Variants in PLCB1 observed in about 807,000 individuals in gnomAD.
PLCB1 encodes the protein 1-phosphatidylinositol 4,5-bisphosphate phosphodiesterase beta-1.
PLCB1 carries 46 observed loss-of-function variants against 161.8 expected under a neutral mutation model. The observed-to-expected ratio is 0.28, with a 90% CI of 0.22 to 0.36. PLCB1 has a LOEUF of 0.36. PLCB1 is among the 10% of genes least tolerant of loss of function. The probability of loss-of-function intolerance (pLI) is 1.00; values close to 1 mark genes in which losing one functional copy is unlikely to be tolerated. For synonymous variants in PLCB1, 517 were observed against 503.7 expected (o/e 1.03, Z -0.35); for missense variants, 1,016 against 1,472.5 (o/e 0.69, Z 5.07).
intron 3 of PLCB1, among the ~76,000 whole-genome samples, chr20:8,373,825 G>A (rs1404035007): frequency 6.6e-6 from 1 of 152,174 alleles, no homozygotes; most frequent in African/African-American, 2.4e-5. Flanking sequence ...CTCAAAGGGG[G>A]TTGTGGATTG....
At chr20:8,822,989 T>C (rs1460735746) in intron 31 of PLCB1, among the ~76,000 whole-genome samples, 1 of 152,236 alleles carries the variant, frequency 6.6e-6, no homozygotes, top group Non-Finnish European at 1.5e-5. Flanking sequence ...CTTGTCGTTA[T>C]TCCCTAAATC....
intron 3 of PLCB1, among the ~76,000 whole-genome samples, chr20:8,551,393 T>G (rs964620637): frequency 6.6e-6 from 1 of 152,242 alleles, no homozygotes; most frequent in Admixed American, 6.5e-5. Context: ...TTTTCTTTCT[T>G]GGCTTCAGCC....
chr20:8,484,256 C>G (rs1168297656), intron 3 of PLCB1, among the ~76,000 whole-genome samples: 1 of 152,092 alleles, frequency 6.6e-6, no homozygotes, highest in Non-Finnish European at 1.5e-5. Flanking sequence ...AACTCCCAAC[C>G]TCAAGTGATC....
chr20:8,298,919 G>A (rs1311740123), intron 2 of PLCB1, among the ~76,000 whole-genome samples: 2 of 152,008 alleles, frequency 1.3e-5, no homozygotes, highest in Admixed American at 6.6e-5. Context: ...CCATAAACAC[G>A]CTCCATTAAG....
chr20:8,229,816 A>G (rs1979907326), intron 2 of PLCB1, among the ~76,000 whole-genome samples: 1 of 151,366 alleles, frequency 6.6e-6, no homozygotes, highest in South Asian at 2.1e-4. Context: ...TGAGCCCAGG[A>G]GTTTGAGACC....
rs1010653506 is a variant in PLCB1, at chr20:8,371,186, GAGC to G, written c.178-193_178-191del. On this transcript the variant is annotated intron_variant, in intron 2 of 31. Coordinates refer to ENST00000338037, the MANE Select transcript of PLCB1 (RefSeq NM_015192.4). Reference sequence around the variant, plus strand: ...CTTTTTGCTTTCAAAATGTATAACTGAGCAGTTAGCAGTTAGCTGTCTTTTGTT... The same window carrying G: ...CTTTTTGCTTTCAAAATGTATAACTGAGTTAGCAGTTAGCTGTCTTTTGTT... 7.4e-6 allele frequency: 4 copies of G among 538,328 alleles called. No individual in the cohort carries two copies. The African/African-American group carries it at 7.6e-5, about 10-fold the overall frequency. 33.3% of individuals were successfully genotyped at this position (538,328 alleles called of 1,614,324 possible).
intron 3 of PLCB1, among the ~76,000 whole-genome samples, chr20:8,425,857 A>G (rs1979745381): frequency 6.6e-6 from 1 of 151,434 alleles, no homozygotes; most frequent in South Asian, 2.1e-4. Flanking sequence ...GATCTTCACT[A>G]CATCCAATTT....
At chr20:8,592,925 C>A (rs910444925) in intron 3 of PLCB1, among the ~76,000 whole-genome samples, 1 of 152,162 alleles carries the variant, frequency 6.6e-6, no homozygotes, top group African/African-American at 2.4e-5. Context: ...GCCCCCTGAG[C>A]AGCTCATGAG....
At chr20:8,510,404 A>G (rs1173196778) in intron 3 of PLCB1, among the ~76,000 whole-genome samples, 1 of 118,974 alleles carries the variant, frequency 8.4e-6, no homozygotes, top group South Asian at 2.5e-4. Context: ...TTTTTTTTTA[A>G]GATGGAGTTT....
chr20:8,369,608 C>T (rs1159061730), intron 2 of PLCB1, among the ~76,000 whole-genome samples: 5 of 152,156 alleles, frequency 3.3e-5, no homozygotes, highest in Admixed American at 6.5e-5. Flanking sequence ...GTGTGGCCTT[C>T]GGGGAACTGT....
intron 3 of PLCB1, among the ~76,000 whole-genome samples, chr20:8,495,731 A>AGCTT (rs991796775): frequency 6.6e-6 from 1 of 152,008 alleles, no homozygotes; most frequent in African/African-American, 2.4e-5. Context: ...TCATGCCACT[A>AGCTT]GCTTGCACTG....
chr20:8,538,815 A>T (rs868617426), intron 3 of PLCB1, among the ~76,000 whole-genome samples: 1 of 143,834 alleles, frequency 7.0e-6, no homozygotes, highest in Non-Finnish European at 1.5e-5. Context: ...TTTTTTTGAG[A>T]TGGAGTCCCA....
chr20:8,462,649 A>G (rs1410383696), intron 3 of PLCB1, among the ~76,000 whole-genome samples: 2 of 152,130 alleles, frequency 1.3e-5, no homozygotes, highest in Non-Finnish European at 2.9e-5. Flanking sequence ...AAACCAACCA[A>G]TTTGGATAAA....
intron 23 of PLCB1, among the ~76,000 whole-genome samples, chr20:8,750,612 GT>G (rs1331292812): frequency 2.6e-5 from 4 of 152,160 alleles, no homozygotes; most frequent in Non-Finnish European, 5.9e-5. Context: ...ACGTTTGGGA[GT>G]GCATACAGCA....
chr20:8,810,549 G>C (rs538950915), intron 31 of PLCB1, among the ~76,000 whole-genome samples: 1 of 152,150 alleles, frequency 6.6e-6, no homozygotes, highest in Admixed American at 6.6e-5. Context: ...GATTGAATGA[G>C]AATGGATAAA....
intron 7 of PLCB1, chr20:8,650,118 A>G (rs1198817446): frequency 6.6e-6 from 1 of 152,294 alleles, no homozygotes; most frequent in Middle Eastern, 3.4e-3. Flanking sequence ...CATTATCAAG[A>G]TGACAATTTG....
At chr20:8,766,066 G>A (rs1302888629) in intron 26 of PLCB1, among the ~76,000 whole-genome samples, 2 of 152,092 alleles carry the variant, frequency 1.3e-5, no homozygotes, top group Non-Finnish European at 2.9e-5. Flanking sequence ...ACTCTAATTT[G>A]GGCCTGGGTT....
At chr20:8,577,600 T>TAAG (rs941624588) in intron 3 of PLCB1, among the ~76,000 whole-genome samples, 1 of 152,164 alleles carries the variant, frequency 6.6e-6, no homozygotes, top group Non-Finnish European at 1.5e-5. Context: ...GTTTAGTTTA[T>TAAG]AAGTCTTGGC....
At chr20:8,724,795 G>C (rs770592925) in intron 16 of PLCB1, 43 bp downstream of exon 16, 1 of 1,055,616 alleles carries the variant, frequency 9.5e-7, no homozygotes, top group East Asian at 2.4e-5. Context: ...AGCATATAAT[G>C]ATTATATTTT....
Sources: allele counts gnomAD v4.1 joint callset (sites outside exome capture counted in the v4.1 genomes callset), GRCh38; gene constraint gnomAD v4.1.1; transcripts MANE v1.5; gene names NCBI Gene and HGNC (gene_info 2026-07-23, HGNC 2026-07-21).